The following HMCN1 variants were observed in gnomAD, a reference collection of about 807,000 sequenced individuals.
HMCN1 encodes the protein hemicentin-1.
In HMCN1, 321 loss-of-function variants were observed where a neutral mutation model predicts 625.9. The ratio of observed to expected loss-of-function variants is 0.51; its 90% CI spans 0.47 to 0.56. The LOEUF (loss-of-function observed/expected upper bound fraction) is 0.56. Ranked by LOEUF, HMCN1 falls within the 20% of genes least tolerant of loss-of-function variation. The probability of loss-of-function intolerance (pLI) is 0.00; values close to 1 mark genes in which losing one functional copy is unlikely to be tolerated. For missense variants in HMCN1, 6,588 were observed against 6,887.3 expected (o/e 0.96, Z 1.54); for synonymous variants, 2,425 against 2,417.6 (o/e 1.00, Z -0.09).
intron 4 of HMCN1, among the ~76,000 whole-genome samples, chr1:185,893,603 C>T (rs1013948031): frequency 6.6e-6 from 1 of 152,036 alleles, no homozygotes; most frequent in Non-Finnish European, 1.5e-5. Flanking sequence ...ACCACGGAAA[C>T]GTTTTTTTTC....
chr1:185,917,233 T>A (rs566286415), intron 6 of HMCN1, among the ~76,000 whole-genome samples: 15 of 152,286 alleles, frequency 9.8e-5, no homozygotes, highest in African/African-American at 3.6e-4. Context: ...TGACTTTTCC[T>A]AACTGAAAAG....
intron 4 of HMCN1, among the ~76,000 whole-genome samples, chr1:185,886,106 A>G (rs1433948191): frequency 6.6e-6 from 1 of 152,078 alleles, no homozygotes; most frequent in Admixed American, 6.6e-5. Flanking sequence ...CAGATTTTGT[A>G]CCATCTCTCT....
At chr1:186,021,634 C>A (rs1654728377) in intron 35 of HMCN1, among the ~76,000 whole-genome samples, 1 of 151,906 alleles carries the variant, frequency 6.6e-6, no homozygotes, top group Admixed American at 6.6e-5. Context: ...ATGTTTATAA[C>A]AGTATGAATG....
chr1:185,864,362 A>G (rs1182019799), intron 2 of HMCN1, 108 bp from the exon 3 acceptor site: 1 of 1,036,622 alleles, frequency 9.6e-7, no homozygotes, highest in East Asian at 2.5e-5. Flanking sequence ...GACAGAAAAT[A>G]AAAAGGAAAA....
chr1:185,737,144 T>C (rs1288771884), intron 1 of HMCN1, among the ~76,000 whole-genome samples: 2 of 151,800 alleles, frequency 1.3e-5, no homozygotes, highest in East Asian at 3.9e-4. Flanking sequence ...CTTTGTAGTT[T>C]TTTTGTTGTT....
intron 101 of HMCN1, among the ~76,000 whole-genome samples, chr1:186,171,738 G>C (rs1652246613): frequency 6.6e-6 from 1 of 151,930 alleles, no homozygotes; most frequent in African/African-American, 2.4e-5. Context: ...AATGAAGTTA[G>C]TATATATAAA....
At chr1:186,077,265 T>C (rs1658879583) in intron 54 of HMCN1, among the ~76,000 whole-genome samples, 1 of 152,140 alleles carries the variant, frequency 6.6e-6, no homozygotes, top group African/African-American at 2.4e-5. Flanking sequence ...GTAGATAGGG[T>C]AACTCTGTCT....
chr1:186,105,130 A>G (rs1571357882), intron 69 of HMCN1, among the ~76,000 whole-genome samples: 1 of 152,246 alleles, frequency 6.6e-6, no homozygotes, highest in Admixed American at 6.5e-5. Context: ...TGGAGAATCC[A>G]TAAGACCTAA....
chr1:186,117,249 C>T (rs898139083), intron 76 of HMCN1, 134 bp downstream of exon 76: 16 of 1,256,292 alleles, frequency 1.3e-5, no homozygotes, highest in East Asian at 2.5e-5. Context: ...CATGCAGGTT[C>T]GTTATATGGG....
chr1:186,151,679 A>G lies in HMCN1; in HGVS notation c.14832A>G (p.Ala4944=), dbSNP rs1324530501. 6.2e-7 allele frequency: 1 copy of G among 1,613,456 alleles called. No individual in the cohort carries two copies. Among genetic ancestry groups the G allele is most frequent in the African/African-American group, 1.3e-5 (1 of 74,924 alleles). ...CAACAGCAAAGGAAATAGGAGAAGC[A>G]GTCAATGGCTTTACCCTCACCAATG... The part of the protein sequence containing the change: ...YWTTAKEIGE[A]VNGFTLTNAV... The change falls in exon 95 of 107, where the codon GCA becomes GCG. Residue 4944 remains alanine, a synonymous_variant. Transcript: ENST00000271588.
At chr1:186,178,376 T>G (rs1431985209) in intron 103 of HMCN1, 40 bp from the exon 104 acceptor site, 1 of 1,384,432 alleles carries the variant, frequency 7.2e-7, no homozygotes, top group African/African-American at 1.4e-5. Context: ...TGTATGTATG[T>G]GTCTTTTTTT....
chr1:186,038,073 A>C (rs1410654092), intron 37 of HMCN1, 38 bp downstream of exon 37: 1 of 1,325,152 alleles, frequency 7.5e-7, no homozygotes, highest in Admixed American at 1.7e-5. Flanking sequence ...TAATATTTTA[A>C]GATTTCTGGG....
At position 186,189,442 on chromosome 1, in the gene HMCN1, T is replaced by C. The variant is rs575460941; in HGVS notation, c.16542-70T>C. On this transcript the variant is annotated intron_variant, in intron 106 of 106. Coordinates refer to ENST00000271588, the MANE Select transcript of HMCN1 (RefSeq NM_031935.3). Reference sequence around the variant, plus strand: ...AGTGCCTAAAAGTTGTCATGGATCATGATCACCTATATCATGCCTCCTCCT... The same window carrying C: ...AGTGCCTAAAAGTTGTCATGGATCACGATCACCTATATCATGCCTCCTCCT... 2.5e-6 allele frequency: 4 copies of C among 1,569,332 alleles called. No individual in the cohort carries two copies. In the African/African-American group the frequency reaches 5.4e-5, roughly 21 times the overall value.
chr1:185,809,529 A>C (rs919665614), intron 1 of HMCN1, among the ~76,000 whole-genome samples: 1 of 151,724 alleles, frequency 6.6e-6, no homozygotes, highest in Non-Finnish European at 1.5e-5. Flanking sequence ...TATATAATTA[A>C]TATTTCTGAA....
At chr1:186,070,838 C>A in intron 52 of HMCN1, 81 bp downstream of exon 52, 2 of 1,330,516 alleles carry the variant, frequency 1.5e-6, no homozygotes, top group Non-Finnish European at 2.2e-6. Flanking sequence ...AAAATAGACA[C>A]AAGTGACTCA....
chr1:186,119,264 C>G lies in HMCN1; in HGVS notation c.11922C>G (p.Gly3974=), dbSNP rs1449347266. The G allele has an allele frequency of 6.2e-7, 1 of 1,613,750 alleles. No homozygotes were observed. Among genetic ancestry groups the G allele is most frequent in the Non-Finnish European group, 8.5e-7 (1 of 1,179,766 alleles). The part of the protein sequence containing the change: ...RYTCVARNAA[G]SAHRHVTLHV... The stretch of plus-strand genomic sequence containing the variant: ...CTTGTGTCGCTAGGAATGCGGCTGG[C>G]TCTGCACATCGACACGTGACCCTTC... The change falls in exon 78 of 107, where the codon GGC becomes GGG. Residue 3974 remains glycine, a synonymous_variant. Coordinates refer to ENST00000271588, the MANE Select transcript of HMCN1 (RefSeq NM_031935.3).
chr1:185,983,349 C>T (rs964866616), intron 18 of HMCN1, among the ~76,000 whole-genome samples: 9 of 151,872 alleles, frequency 5.9e-5, no homozygotes, highest in African/African-American at 2.2e-4. Context: ...TATGCTGAAC[C>T]CAGGAGGCGG....
At chr1:185,960,357 G>T (rs553045348) in intron 11 of HMCN1, among the ~76,000 whole-genome samples, 1 of 151,910 alleles carries the variant, frequency 6.6e-6, no homozygotes, top group Non-Finnish European at 1.5e-5. Context: ...TCAAACTCCC[G>T]ACCTCAGTTG....
At chr1:185,773,051 G>T (rs899231195) in intron 1 of HMCN1, among the ~76,000 whole-genome samples, 3 of 152,104 alleles carry the variant, frequency 2.0e-5, no homozygotes, top group African/African-American at 7.2e-5. Flanking sequence ...CATGAATTTT[G>T]GGGGACACAT....
Sources: gnomAD v4.1 joint callset for allele counts (sites outside exome capture counted in the v4.1 genomes callset) on GRCh38, gnomAD v4.1.1 for gene constraint, MANE v1.5 for transcripts, NCBI Gene and HGNC (gene_info 2026-07-23, HGNC 2026-07-21) for gene names.